DNAAF9: variants seen among roughly 807,000 people sequenced by gnomAD.
DNAAF9 encodes the protein shulin.
Under a neutral mutation model 167.0 loss-of-function variants are expected in DNAAF9, and 90 were observed. The ratio of observed to expected loss-of-function variants is 0.54; its 90% CI spans 0.45 to 0.64. The LOEUF is 0.64. DNAAF9 is among the 30% of genes least tolerant of loss of function. The pLI is 0.00. For missense variants in DNAAF9, 1,315 were observed against 1,442.2 expected (o/e 0.91, Z 1.43); for synonymous variants, 491 against 508.8 (o/e 0.96, Z 0.47).
chr20:3,407,412 G>C, intron 1 of DNAAF9, 63 bp downstream of exon 1: 1 of 1,223,172 alleles, frequency 8.2e-7, no homozygotes, highest in Non-Finnish European at 1.0e-6. Flanking sequence ...GGGAGGCGTC[G>C]CCGGACCCCG....
chr20:3,294,554 G>C lies in DNAAF9; in HGVS notation c.2094C>G (p.Leu698=). ...AGTCCAGCTCTGGGAGTTTGGCTGA[G>C]AGTAACTTTAGGGAACTCCGTTTCT... The part of the protein sequence containing the change: ...AGEKRSSLKL[L]SAKLPELDWF... The change falls in exon 24 of 37, where the codon CTC becomes CTG. Residue 698 remains leucine (L), a synonymous_variant. Transcript: ENST00000252032. 1 of 1,612,930 alleles carries C rather than the reference G, an allele frequency of 6.2e-7. No individual in the cohort carries two copies. Among genetic ancestry groups the C allele is most frequent in the South Asian group, 1.1e-5 (1 of 91,066 alleles).
chr20:3,403,131 C>G (rs956236109), intron 1 of DNAAF9, among the ~76,000 whole-genome samples: 10 of 152,110 alleles, frequency 6.6e-5, no homozygotes, highest in Admixed American at 2.6e-4. Context: ...TTGATTCCCC[C>G]ACTTCCAATG....
At chr20:3,326,455 G>A (rs184047184) in intron 12 of DNAAF9, among the ~76,000 whole-genome samples, 171 bp from the exon 13 acceptor site, 8 of 152,294 alleles carry the variant, frequency 5.3e-5, no homozygotes, top group Non-Finnish European at 1.2e-4. Context: ...GCCTGGGCCA[G>A]GCATAGTGGC....
intron 7 of DNAAF9, among the ~76,000 whole-genome samples, chr20:3,351,415 T>C (rs6051776): frequency 0.23 from 34,346 of 150,918 alleles, 4,363 homozygotes; most frequent in African/African-American, 0.34. Flanking sequence ...ACCTAGGAGG[T>C]GGAGGCTGGA....
chr20:3,376,074 G>T, intron 4 of DNAAF9, 104 bp downstream of exon 4: 2 of 1,046,890 alleles, frequency 1.9e-6, no homozygotes, highest in Non-Finnish European at 2.8e-6. Flanking sequence ...TTTTTATATA[G>T]TCACACTCTG....
At chr20:3,373,883 C>T (rs891857463) in intron 6 of DNAAF9, among the ~76,000 whole-genome samples, 165 bp downstream of exon 6, 1 of 152,136 alleles carries the variant, frequency 6.6e-6, no homozygotes, top group Admixed American at 6.5e-5. Context: ...CTGGGACTAG[C>T]CTTTAGCAGC....
intron 7 of DNAAF9, among the ~76,000 whole-genome samples, chr20:3,349,548 G>A (rs1202863954): frequency 1.3e-5 from 2 of 152,118 alleles, no homozygotes; most frequent in Admixed American, 1.3e-4. Flanking sequence ...TTAAAGGGAA[G>A]GGTGGCACAG....
At chr20:3,395,129 G>A (rs1281587390) in intron 1 of DNAAF9, among the ~76,000 whole-genome samples, 5 of 148,136 alleles carry the variant, frequency 3.4e-5, no homozygotes, top group East Asian at 2.0e-4. Context: ...CACCATGCCC[G>A]GCTAATTTTT....
chr20:3,366,598 T>C (rs1389655166), intron 6 of DNAAF9, among the ~76,000 whole-genome samples: 2 of 152,138 alleles, frequency 1.3e-5, no homozygotes, highest in African/African-American at 4.8e-5. Context: ...CAGGCTGTCC[T>C]TTGAAACTAG....
chr20:3,319,347 C>A (rs1393765732), intron 16 of DNAAF9, among the ~76,000 whole-genome samples: 6 of 150,560 alleles, frequency 4.0e-5, no homozygotes, highest in African/African-American at 1.5e-4. Context: ...GCTTCAGTAG[C>A]CTGGAAACAA....
At chr20:3,326,111 C>G (rs541681349) in intron 13 of DNAAF9, 86 bp downstream of exon 13, 2 of 1,019,086 alleles carry the variant, frequency 2.0e-6, no homozygotes, top group African/African-American at 3.2e-5. Context: ...GTGAGTACTA[C>G]AAGATGTCCA....
intron 20 of DNAAF9, among the ~76,000 whole-genome samples, chr20:3,310,499 A>G (rs1338906010): frequency 6.6e-6 from 1 of 152,086 alleles, no homozygotes; most frequent in African/African-American, 2.4e-5. Context: ...AGCTTGGCCA[A>G]CATGGCGAAA....
At chr20:3,357,475 A>T (rs968857050) in intron 7 of DNAAF9, among the ~76,000 whole-genome samples, 29 of 152,124 alleles carry the variant, frequency 1.9e-4, no homozygotes, top group Admixed American at 3.9e-4. Flanking sequence ...CTGTCTCAAA[A>T]AAATAAATAA....
At chr20:3,271,480 C>G (rs766234377) in intron 29 of DNAAF9, among the ~76,000 whole-genome samples, 2 of 152,110 alleles carry the variant, frequency 1.3e-5, no homozygotes, top group Non-Finnish European at 2.9e-5. Context: ...ATTTGGAGAT[C>G]AGGAAACTTA....
intron 30 of DNAAF9, among the ~76,000 whole-genome samples, chr20:3,269,150 G>A (rs999007074): frequency 2.0e-5 from 3 of 150,654 alleles, no homozygotes; most frequent in South Asian, 2.1e-4. Flanking sequence ...CTTGTGATCC[G>A]CCTGCCTTGG....
In DNAAF9 at chr20:3,407,541, G is replaced by A. The variant is rs1038611290; in HGVS notation, c.17C>T (p.Pro6Leu). The change falls in exon 1 of 37, where the codon CCG becomes CTG. Residue 6 changes from proline (P) to leucine (L), a missense_variant. By Grantham distance (98) the Pro-to-Leu change is moderately conservative. This residue lies in a region of DNAAF9 where 981 missense variants were observed against 1,012.5 expected (regional missense o/e 0.97). Transcript: ENST00000252032. MDVYP[P>L]RRQGLPRARS... ...AGCGCGGGGCAGCCCCTGCCGGCGC[G>A]GGGGGTACACGTCCATGGCGGCGGA... The A allele has an allele frequency of 1.3e-5, 16 of 1,256,842 alleles. No homozygotes were observed. Among genetic ancestry groups the A allele is most frequent in the Non-Finnish European group, 1.6e-5 (16 of 1,004,562 alleles). 77.9% of individuals were successfully genotyped at this position (1,256,842 alleles called of 1,614,324 possible). A position where few individuals can be genotyped will look rare whatever the true frequency, so the allele number is the denominator to read the frequency against.
chr20:3,361,938 A>G, intron 6 of DNAAF9: 1 of 1,524,412 alleles, frequency 6.6e-7, no homozygotes, highest in Admixed American at 1.7e-5. Flanking sequence ...TTCTTTAGAC[A>G]TCATTAGGCG....
intron 21 of DNAAF9, 89 bp from the exon 22 acceptor site, chr20:3,298,264 T>C: frequency 9.7e-7 from 1 of 1,033,238 alleles, no homozygotes. Context: ...AGGATCAATT[T>C]CAGTACAATT....
chr20:3,305,835 C>T (rs1172180076), intron 20 of DNAAF9, among the ~76,000 whole-genome samples: 1 of 152,158 alleles, frequency 6.6e-6, no homozygotes, highest in African/African-American at 2.4e-5. Context: ...GCAGCCACAG[C>T]CAGCGACTAT....
Sources: gnomAD v4.1 joint callset for allele counts (sites outside exome capture counted in the v4.1 genomes callset) on GRCh38, gnomAD v4.1.1 for gene constraint, gnomAD v4.1.1 regional missense constraint, MANE v1.5 for transcripts, NCBI Gene and HGNC (gene_info 2026-07-23, HGNC 2026-07-21) for gene names.